The following VRK3 variants were observed in gnomAD, a reference collection of about 807,000 sequenced individuals.
The protein encoded by VRK3 is VRK serine/threonine kinase 3.
VRK3 carries 50 observed loss-of-function variants against 60.4 expected under a neutral mutation model. The observed-to-expected ratio is 0.83, with a 90% CI of 0.66 to 1.05. The LOEUF (loss-of-function observed/expected upper bound fraction) is 1.05. VRK3 is among the 50% of genes least tolerant of loss of function. The pLI is 0.00. For synonymous variants in VRK3, 246 were observed against 227.8 expected, an observed-to-expected ratio of 1.08 and a Z score of -0.72; for missense variants, 549 against 585.3, an observed-to-expected ratio of 0.94 and a Z score of 0.64.
intron 12 of VRK3, among the ~76,000 whole-genome samples, chr19:49,985,862 G>A (rs576634610): frequency 6.6e-6 from 1 of 152,170 alleles, no homozygotes; most frequent in East Asian, 1.9e-4. Flanking sequence ...AGGTGACATG[G>A]GCTGTCTCTG....
At chr19:50,021,091 C>G (rs1286895183) in intron 1 of VRK3, among the ~76,000 whole-genome samples, 1 of 152,222 alleles carries the variant, frequency 6.6e-6, no homozygotes, top group Non-Finnish European at 1.5e-5. Flanking sequence ...CTGTCAATAT[C>G]TGGGAAGGAG....
At chr19:49,995,327 G>T in intron 7 of VRK3, 52 bp from the exon 8 acceptor site, 1 of 1,532,486 alleles carries the variant, frequency 6.5e-7, no homozygotes, top group South Asian at 1.1e-5. Context: ...CAAGCCCATG[G>T]CAGTAAGAGC....
At chr19:49,995,101 C>T in intron 8 of VRK3, 90 bp downstream of exon 8, 1 of 1,445,830 alleles carries the variant, frequency 6.9e-7, no homozygotes, top group Non-Finnish European at 9.6e-7. Flanking sequence ...AGACCTGGCC[C>T]ACGGCTTCGG....
rs568877003 is a variant in VRK3 at position 50,019,674 on chromosome 19, C to CTTTTTTTTTTTTT, written c.-2+898_-2+910dup. 3.3e-4 allele frequency among the ~76,000 whole-genome samples: 15 copies of CTTTTTTTTTTTTT among 45,016 alleles called. 2 individuals carry two copies. The highest frequency in any genetic ancestry group is 8.6e-4 in the South Asian group (1 of 1,168). 29.5% of individuals were successfully genotyped at this position (45,016 alleles called of 152,430 possible). On this transcript the variant is annotated intron_variant, in intron 2 of 14. Coordinates refer to ENST00000316763, the MANE Select transcript of VRK3 (RefSeq NM_016440.4). ...ACAGGCATGTGCCACCATGCCTGGCCTTTTTTTTTTTTTTTTTTTTTTTTT... is the reference window on the plus strand; with the variant it reads ...ACAGGCATGTGCCACCATGCCTGGCCTTTTTTTTTTTTTTTTTTTTTTTTTTTTTTTTTTTTTT...
intron 2 of VRK3, 112 bp from the exon 3 acceptor site, chr19:50,016,275 T>C (rs113095171): frequency 2.2e-6 from 3 of 1,376,230 alleles, no homozygotes; most frequent in Non-Finnish European, 3.0e-6. Flanking sequence ...ACAACCAGGG[T>C]CTTCAACTGT....
At chr19:49,983,586 A>G (rs1448866872) in intron 12 of VRK3, among the ~76,000 whole-genome samples, 1 of 152,266 alleles carries the variant, frequency 6.6e-6, no homozygotes, top group African/African-American at 2.4e-5. Context: ...CAGCGGGTCC[A>G]AAGCTGGCTC....
chr19:50,016,696 A>G (rs757069915), intron 2 of VRK3, among the ~76,000 whole-genome samples: 7 of 152,202 alleles, frequency 4.6e-5, no homozygotes, highest in Non-Finnish European at 8.8e-5. Flanking sequence ...TCACTAAATT[A>G]CTCTCTATGC....
At chr19:50,004,246 G>A (rs942080972) in intron 5 of VRK3, among the ~76,000 whole-genome samples, 4 of 152,028 alleles carry the variant, frequency 2.6e-5, no homozygotes, top group Middle Eastern at 3.2e-3. Context: ...CTGGCTCTGT[G>A]TGTTTTCCTC....
chr19:50,024,441 A>G (rs554892079), intron 1 of VRK3, among the ~76,000 whole-genome samples: 1 of 152,206 alleles, frequency 6.6e-6, no homozygotes, highest in Non-Finnish European at 1.5e-5. Context: ...AGAGAAAAAG[A>G]CCTTTCAGTT....
chr19:49,989,629 G>A lies in VRK3; in HGVS notation c.1096+10C>T. On this transcript the variant is annotated intron_variant, in intron 11 of 14. Coordinates refer to ENST00000316763, the MANE Select transcript of VRK3 (RefSeq NM_016440.4). ...TCTCTGCGGTCCCAAACCCATCCCTGGCCTCGTACCGCATCCCTTGTGCAG... is the reference window on the plus strand; with the variant it reads ...TCTCTGCGGTCCCAAACCCATCCCTAGCCTCGTACCGCATCCCTTGTGCAG... 6.2e-7 allele frequency: 1 copy of A among 1,601,132 alleles called. No individual in the cohort carries two copies. Among genetic ancestry groups the A allele is most frequent in the Non-Finnish European group, 8.5e-7 (1 of 1,171,584 alleles).
intron 1 of VRK3, among the ~76,000 whole-genome samples, chr19:50,023,450 G>A (rs750026977): frequency 2.0e-5 from 3 of 152,174 alleles, no homozygotes; most frequent in Non-Finnish European, 4.4e-5. Context: ...CAAAGTCCTG[G>A]GATTACAGGC....
chr19:50,010,704 G>A (rs2076981281), intron 3 of VRK3, among the ~76,000 whole-genome samples: 1 of 152,174 alleles, frequency 6.6e-6, no homozygotes, highest in Non-Finnish European at 1.5e-5. Flanking sequence ...CCTGAGGTCA[G>A]GAGTTTGAGG....
At chr19:50,008,922 T>C (rs748780325) in intron 4 of VRK3, 5 of 271,038 alleles carry the variant, frequency 1.8e-5, no homozygotes, top group African/African-American at 6.6e-5. Context: ...GGGCAAAGAC[T>C]GTGTTGAGGG....
chr19:50,022,343 C>A (rs1379349813), intron 1 of VRK3, among the ~76,000 whole-genome samples: 1 of 152,202 alleles, frequency 6.6e-6, no homozygotes, highest in African/African-American at 2.4e-5. Flanking sequence ...CCAGCCTGGT[C>A]TAGGCCACCA....
intron 1 of VRK3, chr19:50,024,867 G>A (rs1222509437): frequency 6.6e-6 from 1 of 152,216 alleles, no homozygotes; most frequent in Non-Finnish European, 1.5e-5. Flanking sequence ...GTTCCTCCTA[G>A]AAAGTTCAGG....
chr19:49,980,344 G>C (rs746285073), intron 13 of VRK3, among the ~76,000 whole-genome samples: 1 of 152,132 alleles, frequency 6.6e-6, no homozygotes, highest in Non-Finnish European at 1.5e-5. Context: ...TATAAGGAAG[G>C]GCATGAAGGA....
Position 49,992,965 on chromosome 19 carries a change from G to A in VRK3, c.871-13C>T. 6.2e-7 allele frequency: 1 copy of A among 1,608,376 alleles called. No individual in the cohort carries two copies. Among genetic ancestry groups the A allele is most frequent in the Admixed American group, 1.7e-5 (1 of 60,012 alleles). On this transcript the variant is annotated splice_polypyrimidine_tract_variant and intron_variant, in intron 9 of 14. Transcript: ENST00000316763. The stretch of plus-strand genomic sequence containing the variant: ...CCAGGGCATCCAGCTGGGGGAAGAA[G>A]CAAGTCAGTGTCTGCATGAGCAGTA...
rs1461404164 is a variant in VRK3, at chr19:49,989,635, G to A, written c.1096+4C>T. On this transcript the variant is annotated splice_donor_region_variant and intron_variant, in intron 11 of 14. Transcript: ENST00000316763. The stretch of plus-strand genomic sequence containing the variant: ...CGGTCCCAAACCCATCCCTGGCCTC[G>A]TACCGCATCCCTTGTGCAGGTCCAT... 15 of 1,604,442 alleles carry A rather than the reference G, an allele frequency of 9.3e-6. No homozygotes were observed. Among genetic ancestry groups the A allele is most frequent in the Non-Finnish European group, 1.2e-5 (14 of 1,173,832 alleles).
chr19:49,997,776 T>G (rs2076730988), intron 6 of VRK3: 1 of 530,920 alleles, frequency 1.9e-6, no homozygotes. Context: ...TTTCTTTCTC[T>G]TATGGTAAGA....
Sources: gnomAD v4.1 joint callset for allele counts (sites outside exome capture counted in the v4.1 genomes callset) on GRCh38, gnomAD v4.1.1 for gene constraint, MANE v1.5 for transcripts, NCBI Gene and HGNC (gene_info 2026-07-23, HGNC 2026-07-21) for gene names.